PPP1R12B: variants seen among roughly 807,000 people sequenced by gnomAD.
PPP1R12B encodes myosin phosphatase target subunit 2.
In PPP1R12B, 76 loss-of-function variants were observed where a neutral mutation model predicts 126.1. The ratio of observed to expected loss-of-function variants is 0.60; its 90% CI spans 0.50 to 0.73. The LOEUF (loss-of-function observed/expected upper bound fraction) is 0.73, where lower values mean the gene tolerates loss of function less well. PPP1R12B is among the 30% of genes least tolerant of loss of function. The pLI, the probability that PPP1R12B is intolerant of heterozygous loss-of-function variation, is 0.00. For missense variants in PPP1R12B, 1,052 were observed against 1,205.1 expected (o/e 0.87, Z 1.88); for synonymous variants, 356 against 434.7 (o/e 0.82, Z 2.25).
chr1:202,428,971 T>C, intron 6 of PPP1R12B, 42 bp downstream of exon 6: 1 of 1,510,626 alleles, frequency 6.6e-7, no homozygotes, highest in Non-Finnish European at 9.1e-7. Flanking sequence ...TCTAATAGTT[T>C]GCAGTTCACA....
intron 1 of PPP1R12B, among the ~76,000 whole-genome samples, chr1:202,403,355 A>G (rs1666128554): frequency 6.6e-6 from 1 of 152,246 alleles, no homozygotes; most frequent in Admixed American, 6.5e-5. Context: ...GTATATTTTT[A>G]ATTTACCAAC....
At chr1:202,487,889 T>G (rs1678365064) in intron 13 of PPP1R12B, among the ~76,000 whole-genome samples, 3 of 152,208 alleles carry the variant, frequency 2.0e-5, no homozygotes. Flanking sequence ...ATTATAGGCG[T>G]GACCCACCAC....
At position 202,451,369 on chromosome 1, in the gene PPP1R12B, ACTCTTAACG is replaced by A. The variant is rs575822768; in HGVS notation, c.1850+2199_1850+2207del. Among the ~76,000 whole-genome samples the A allele has an allele frequency of 6.7e-4, 99 of 146,906 alleles. 2 individuals are homozygous for A. In the South Asian group the frequency reaches 0.021, roughly 32 times the overall value. ...TACTTGAGATTAGGGAGTGGTGATG[ACTCTTAACG>A]AGCATGCTGCCTTCAAGCATCTGTT... On this transcript the variant is annotated intron_variant, in intron 13 of 23. Transcript: ENST00000608999.
rs1192210650 is a variant in PPP1R12B at position 202,582,910 on chromosome 1, T to TA, written c.*2356dup. The TA allele has an allele frequency of 4.6e-5, 7 of 151,932 alleles. No homozygotes were observed. In the East Asian group the frequency reaches 7.7e-4, roughly 17 times the overall value. The allele number at this position is 151,932 out of a possible 1,614,324, so 9.4% of individuals were successfully genotyped here. On this transcript the variant is annotated 3_prime_UTR_variant, in exon 24 of 24. Coordinates refer to ENST00000608999, the MANE Select transcript of PPP1R12B (RefSeq NM_002481.4). Reference sequence around the variant, plus strand: ...AAAAAAAATAATAATAATAAATAAATAAAAAATCCCAATTACAGAACAGGA... The same window carrying TA: ...AAAAAAAATAATAATAATAAATAAATAAAAAAATCCCAATTACAGAACAGGA...
chr1:202,378,480 T>C (rs1427299538), intron 1 of PPP1R12B, among the ~76,000 whole-genome samples: 1 of 152,084 alleles, frequency 6.6e-6, no homozygotes, highest in Non-Finnish European at 1.5e-5. Context: ...CTTCTAATTC[T>C]TTTTTTGTTG....
intron 9 of PPP1R12B, among the ~76,000 whole-genome samples, chr1:202,435,771 A>G (rs993069660): frequency 6.6e-6 from 1 of 152,196 alleles, no homozygotes; most frequent in Non-Finnish European, 1.5e-5. Context: ...AATTGGAAAG[A>G]TGGGCTTGTG....
At chr1:202,549,960 C>T (rs1686144091) in intron 18 of PPP1R12B, among the ~76,000 whole-genome samples, 1 of 152,156 alleles carries the variant, frequency 6.6e-6, no homozygotes, top group Non-Finnish European at 1.5e-5. Context: ...AGTCAGAGGC[C>T]ACACACACTT....
At chr1:202,504,987 T>G (rs1680657740) in intron 18 of PPP1R12B, among the ~76,000 whole-genome samples, 1 of 152,240 alleles carries the variant, frequency 6.6e-6, no homozygotes. Context: ...CGGAATACTT[T>G]TATTGGCCTT....
At chr1:202,494,661 G>A (rs1191462460) in intron 15 of PPP1R12B, among the ~76,000 whole-genome samples, 2 of 148,444 alleles carry the variant, frequency 1.3e-5, no homozygotes, top group Non-Finnish European at 1.5e-5. Context: ...AGCCAAGATC[G>A]CAGCACTGCA....
rs978254397 is a variant in PPP1R12B at position 202,348,702 on chromosome 1, A to G, written c.-150A>G. 1 of 974,250 alleles carries G rather than the reference A, an allele frequency of 1.0e-6. No homozygotes were observed. Among genetic ancestry groups the G allele is most frequent in the East Asian group, 2.7e-5 (1 of 36,804 alleles). The allele number at this position is 974,250 out of a possible 1,614,324, so 60.4% of individuals were successfully genotyped here. A position where few individuals can be genotyped will look rare whatever the true frequency, so the allele number is the denominator to read the frequency against. On this transcript the variant is annotated 5_prime_UTR_variant, in exon 1 of 24. Transcript: ENST00000608999. Reference sequence around the variant, plus strand: ...GAAGCCGAGGGAGCGTGCGGGCGGTACTACTGGCGGGAGGAGTAAAGATGG... The same window carrying G: ...GAAGCCGAGGGAGCGTGCGGGCGGTGCTACTGGCGGGAGGAGTAAAGATGG...
intron 11 of PPP1R12B, among the ~76,000 whole-genome samples, chr1:202,441,879 C>G (rs1671665495): frequency 6.6e-6 from 1 of 151,500 alleles, no homozygotes; most frequent in East Asian, 2.0e-4. Context: ...TTTTTTGAGA[C>G]AAAGTCTCAC....
intron 8 of PPP1R12B, among the ~76,000 whole-genome samples, chr1:202,433,485 A>C (rs1670436546): frequency 6.6e-6 from 1 of 152,176 alleles, no homozygotes; most frequent in Non-Finnish European, 1.5e-5. Context: ...CAGAGTAAAT[A>C]AACCCCAAGC....
At chr1:202,579,034 C>G (rs1689349594) in intron 23 of PPP1R12B, among the ~76,000 whole-genome samples, 1 of 152,148 alleles carries the variant, frequency 6.6e-6, no homozygotes, top group South Asian at 2.1e-4. Flanking sequence ...TTGTAGAAAT[C>G]GGGATAACAA....
At chr1:202,552,341 A>T (rs1421996481) in intron 18 of PPP1R12B, among the ~76,000 whole-genome samples, 1 of 152,216 alleles carries the variant, frequency 6.6e-6, no homozygotes. Context: ...GTTTCCTAAG[A>T]ATCTTCTCTG....
At chr1:202,439,423 G>A in intron 10 of PPP1R12B, 1 of 1,283,296 alleles carries the variant, frequency 7.8e-7, no homozygotes, top group Non-Finnish European at 1.1e-6. Flanking sequence ...GCCCTGTACT[G>A]GAAAATGCTG....
At chr1:202,353,283 G>A (rs549618617) in intron 1 of PPP1R12B, among the ~76,000 whole-genome samples, 1 of 152,166 alleles carries the variant, frequency 6.6e-6, no homozygotes, top group South Asian at 2.1e-4. Context: ...TTCCACCTGC[G>A]AAGTTACTTT....
intron 2 of PPP1R12B, among the ~76,000 whole-genome samples, chr1:202,418,489 T>C (rs960230162): frequency 1.3e-5 from 2 of 151,928 alleles, no homozygotes; most frequent in Non-Finnish European, 2.9e-5. Context: ...TTTTTTACAG[T>C]GATTTCTTTA....
At chr1:202,563,463 TA>T in intron 20 of PPP1R12B, among the ~76,000 whole-genome samples, 1 of 152,140 alleles carries the variant, frequency 6.6e-6, no homozygotes, top group Non-Finnish European at 1.5e-5. Context: ...ATCAGGTATT[TA>T]GAAGTGTAGG....
In PPP1R12B at chr1:202,493,337, C is replaced by T. The variant is rs756276003; in HGVS notation, c.2145+20C>T. The T allele has an allele frequency of 1.9e-6, 3 of 1,606,430 alleles. No individual in the cohort carries two copies. The highest frequency in any genetic ancestry group is 2.5e-6 in the Non-Finnish European group (3 of 1,176,804). On this transcript the variant is annotated intron_variant, in intron 15 of 23. Transcript: ENST00000608999. Reference sequence around the variant, plus strand: ...GAAGAGGTGAGCTCATTTTTGCTGGCATGTACTGTGCTAAAAGCAGGGTAA... The same window carrying T: ...GAAGAGGTGAGCTCATTTTTGCTGGTATGTACTGTGCTAAAAGCAGGGTAA...
Sources: gnomAD v4.1 joint callset for allele counts (sites outside exome capture counted in the v4.1 genomes callset) on GRCh38, gnomAD v4.1.1 for gene constraint, MANE v1.5 for transcripts, NCBI Gene and HGNC (gene_info 2026-07-23, HGNC 2026-07-21) for gene names.